The following RGS9 variants were observed in gnomAD, a reference collection of about 807,000 sequenced individuals.
RGS9 encodes the protein regulator of G-protein signalling 9.
Under a neutral mutation model 102.0 loss-of-function variants are expected in RGS9, and 78 were observed. The ratio of observed to expected loss-of-function variants is 0.76; its 90% CI spans 0.64 to 0.92. The LOEUF is 0.92. Ranked by LOEUF, RGS9 falls within the 40% of genes least tolerant of loss-of-function variation. The pLI, the probability that RGS9 is intolerant of heterozygous loss-of-function variation, is 0.00. For missense variants in RGS9, 833 were observed against 866.1 expected, an observed-to-expected ratio of 0.96 and a Z score of 0.48; for synonymous variants, 353 against 318.6, an observed-to-expected ratio of 1.11 and a Z score of -1.15.
chr17:65,175,082 A>AAT (rs1911573150), intron 8 of RGS9, among the ~76,000 whole-genome samples: 1 of 141,232 alleles, frequency 7.1e-6, no homozygotes, highest in Non-Finnish European at 1.5e-5. Context: ...AAACCATATT[A>AAT]ATGTGTGTGT....
At chr17:65,221,287 G>A (rs1341723288) in intron 17 of RGS9, among the ~76,000 whole-genome samples, 1 of 152,192 alleles carries the variant, frequency 6.6e-6, no homozygotes, top group Admixed American at 6.5e-5. Flanking sequence ...AGGGCATATA[G>A]AGAGGCTGAT....
chr17:65,197,568 C>A (rs779654723), intron 13 of RGS9, among the ~76,000 whole-genome samples: 4 of 152,206 alleles, frequency 2.6e-5, no homozygotes, highest in Non-Finnish European at 4.4e-5. Flanking sequence ...TCTAGTCAGC[C>A]TCTAAATATA....
intron 8 of RGS9, among the ~76,000 whole-genome samples, chr17:65,176,944 C>T (rs1224722348): frequency 6.6e-6 from 1 of 150,824 alleles, no homozygotes; most frequent in Non-Finnish European, 1.5e-5. Flanking sequence ...CATCCACCTA[C>T]CACCCATTCA....
At chr17:65,226,726 C>T (rs1447114609) in intron 18 of RGS9, among the ~76,000 whole-genome samples, 1 of 152,044 alleles carries the variant, frequency 6.6e-6, no homozygotes, top group African/African-American at 2.4e-5. Flanking sequence ...AATTCTCCTG[C>T]CTCAGCCTCC....
chr17:65,168,880 C>T (rs965817762), intron 8 of RGS9, among the ~76,000 whole-genome samples: 2 of 152,154 alleles, frequency 1.3e-5, no homozygotes, highest in Non-Finnish European at 2.9e-5. Context: ...TGCCCCAGCT[C>T]ATCACTGGGA....
intron 9 of RGS9, among the ~76,000 whole-genome samples, chr17:65,188,552 T>C (rs1032658613): frequency 6.6e-6 from 1 of 152,220 alleles, no homozygotes; most frequent in Non-Finnish European, 1.5e-5. Context: ...CTCTCCCCTG[T>C]AACAAAAGAA....
chr17:65,178,913 C>A (rs949025846), intron 9 of RGS9, among the ~76,000 whole-genome samples: 1 of 152,216 alleles, frequency 6.6e-6, no homozygotes, highest in Non-Finnish European at 1.5e-5. Flanking sequence ...CCCTGCCCAC[C>A]TAAGCCCCAG....
chr17:65,193,254 C>CAAAAAAAAAA (rs377349682), intron 11 of RGS9, among the ~76,000 whole-genome samples: 2 of 83,138 alleles, frequency 2.4e-5, no homozygotes, highest in African/African-American at 7.7e-5. Flanking sequence ...TTGGCTGTCT[C>CAAAAAAAAAA]AAAAAAAAAA....
chr17:65,182,380 T>C (rs1911917745), intron 9 of RGS9, among the ~76,000 whole-genome samples: 1 of 152,208 alleles, frequency 6.6e-6, no homozygotes, highest in East Asian at 1.9e-4. Flanking sequence ...TAAGACTCAC[T>C]ACTGCGTTAG....
chr17:65,170,800 C>T (rs928017948), intron 8 of RGS9, among the ~76,000 whole-genome samples: 2 of 152,216 alleles, frequency 1.3e-5, no homozygotes, highest in Non-Finnish European at 2.9e-5. Context: ...TTCATGGCTG[C>T]TCCCTGAGTG....
intron 14 of RGS9, among the ~76,000 whole-genome samples, chr17:65,203,477 C>A (rs553837843): frequency 5.4e-4 from 83 of 152,294 alleles, no homozygotes; most frequent in African/African-American, 1.9e-3. Flanking sequence ...TTATGTAAAT[C>A]TCAGTTTCAA....
chr17:65,227,269 C>A lies in RGS9; in HGVS notation c.1893-6C>A. 1 of 1,614,162 alleles carries A rather than the reference C, an allele frequency of 6.2e-7. No individual in the cohort carries two copies. The highest frequency in any genetic ancestry group is 1.3e-5 in the African/African-American group (1 of 75,042). On this transcript the variant is annotated splice_polypyrimidine_tract_variant and splice_region_variant and intron_variant, in intron 18 of 18. Transcript: ENST00000262406. Reference sequence around the variant, plus strand: ...TACATTACTGGCTTTCCTCTTGCACCTGAAGCTTTTTCCAGATCAAAATGG... The same window carrying A: ...TACATTACTGGCTTTCCTCTTGCACATGAAGCTTTTTCCAGATCAAAATGG...
At chr17:65,144,367 T>C (rs904270375) in intron 1 of RGS9, among the ~76,000 whole-genome samples, 29 of 152,270 alleles carry the variant, frequency 1.9e-4, no homozygotes, top group South Asian at 1.5e-3. Context: ...GGGTGGGATG[T>C]CAGAGCCATC....
At chr17:65,227,225 T>G in intron 18 of RGS9, 50 bp from the exon 19 acceptor site, 1 of 1,613,008 alleles carries the variant, frequency 6.2e-7, no homozygotes, top group Non-Finnish European at 8.5e-7. Flanking sequence ...GGAGGTGCAG[T>G]CCCTCCTGCC....
chr17:65,187,130 C>T (rs1912154713), intron 9 of RGS9, among the ~76,000 whole-genome samples: 1 of 152,054 alleles, frequency 6.6e-6, no homozygotes, highest in African/African-American at 2.4e-5. Flanking sequence ...GAAAAAAATG[C>T]TATTAAGCTT....
intron 6 of RGS9, among the ~76,000 whole-genome samples, chr17:65,161,592 G>A (rs945367121): frequency 7.2e-5 from 11 of 152,148 alleles, no homozygotes; most frequent in South Asian, 2.1e-4. Flanking sequence ...GGACTGTATA[G>A]ACTTTTGTTT....
intron 1 of RGS9, among the ~76,000 whole-genome samples, chr17:65,140,023 A>G (rs409583): frequency 0.86 from 130,084 of 152,032 alleles, 58,520 homozygotes; most frequent in Non-Finnish European, 0.99. Context: ...CACGGTGTCC[A>G]TGATGGTGTG....
intron 17 of RGS9, among the ~76,000 whole-genome samples, chr17:65,216,563 G>A (rs1194014871): frequency 6.6e-6 from 1 of 152,178 alleles, no homozygotes; most frequent in East Asian, 1.9e-4. Context: ...CTTGAACCCG[G>A]GAGGCAGAAG....
intron 9 of RGS9, among the ~76,000 whole-genome samples, chr17:65,180,462 C>G (rs546024228): frequency 4.1e-4 from 62 of 152,218 alleles, no homozygotes; most frequent in African/African-American, 1.4e-3. Context: ...AACTCCTTGC[C>G]TCAGCCTCCA....
Sources: allele counts gnomAD v4.1 joint callset (sites outside exome capture counted in the v4.1 genomes callset), GRCh38; gene constraint gnomAD v4.1.1; transcripts MANE v1.5; gene names NCBI Gene and HGNC (gene_info 2026-07-23, HGNC 2026-07-21).